The following ANLN variants were observed in gnomAD, a reference collection of about 807,000 sequenced individuals.
ANLN encodes anillin, actin binding protein.
In ANLN, 59 loss-of-function variants were observed where a neutral mutation model predicts 135.1. The ratio of observed to expected loss-of-function variants is 0.44; its 90% CI spans 0.35 to 0.54. The LOEUF is 0.54. Ranked by LOEUF, ANLN falls within the 20% of genes least tolerant of loss-of-function variation. The probability of loss-of-function intolerance (pLI) is 0.00; values close to 1 mark genes in which losing one functional copy is unlikely to be tolerated. For synonymous variants in ANLN, 406 were observed against 456.4 expected (o/e 0.89, Z 1.41); for missense variants, 1,182 against 1,340.0 (o/e 0.88, Z 1.84).
chr7:36,415,710 A>G, intron 7 of ANLN, 48 bp from the exon 8 acceptor site: 1 of 1,512,328 alleles, frequency 6.6e-7, no homozygotes, highest in Non-Finnish European at 8.9e-7. Flanking sequence ...GAAAGATAAA[A>G]TATATAGTTT....
At chr7:36,408,985 A>G (rs1787301817) in intron 5 of ANLN, among the ~76,000 whole-genome samples, 1 of 152,218 alleles carries the variant, frequency 6.6e-6, no homozygotes, top group Non-Finnish European at 1.5e-5. Flanking sequence ...CAACCTCTGC[A>G]GAAACTATAG....
At chr7:36,423,440 CTT>C (rs1787960409) in intron 14 of ANLN, among the ~76,000 whole-genome samples, 1 of 151,926 alleles carries the variant, frequency 6.6e-6, no homozygotes, top group African/African-American at 2.4e-5. Flanking sequence ...CTCTGAGTAA[CTT>C]TTATAGAAAT....
intron 12 of ANLN, 58 bp from the exon 13 acceptor site, chr7:36,421,799 A>G: frequency 6.8e-7 from 1 of 1,470,070 alleles, no homozygotes; most frequent in East Asian, 2.3e-5. Flanking sequence ...TTAAAATTTA[A>G]AGTGAAAATG....
intron 20 of ANLN, among the ~76,000 whole-genome samples, chr7:36,437,603 G>A (rs1028280383): frequency 1.2e-4 from 18 of 151,894 alleles, no homozygotes; most frequent in African/African-American, 4.1e-4. Context: ...TTTTTTTGTG[G>A]AACCTCTGTA....
At chr7:36,407,015 T>C (rs1270398765) in intron 4 of ANLN, among the ~76,000 whole-genome samples, 1 of 152,234 alleles carries the variant, frequency 6.6e-6, no homozygotes, top group Non-Finnish European at 1.5e-5. Context: ...TCACTGTATA[T>C]CCTTTTGAAA....
chr7:36,421,710 C>T (rs139146381), intron 12 of ANLN, 147 bp from the exon 13 acceptor site: 6 of 641,098 alleles, frequency 9.4e-6, no homozygotes, highest in Admixed American at 7.0e-5. Flanking sequence ...GGTGCATAGT[C>T]GAGAAACTTG....
chr7:36,442,857 C>T (rs908275985), intron 21 of ANLN, among the ~76,000 whole-genome samples: 1 of 151,890 alleles, frequency 6.6e-6, no homozygotes, highest in Non-Finnish European at 1.5e-5. Flanking sequence ...GTCTCGATCT[C>T]CTGACCTCGT....
chr7:36,407,645 A>G, intron 4 of ANLN, 89 bp from the exon 5 acceptor site: 1 of 925,684 alleles, frequency 1.1e-6, no homozygotes. Context: ...CATAAAGGCT[A>G]TCAAGTAAAT....
intron 14 of ANLN, 47 bp downstream of exon 14, chr7:36,422,856 C>G: frequency 1.3e-6 from 2 of 1,520,898 alleles, no homozygotes; most frequent in Non-Finnish European, 1.8e-6. Flanking sequence ...ATGAACCTCA[C>G]CTAGATTGAA....
At chr7:36,422,042 A>G in intron 13 of ANLN, 50 bp downstream of exon 13, 2 of 1,580,364 alleles carry the variant, frequency 1.3e-6, no homozygotes, top group Middle Eastern at 1.7e-4. Flanking sequence ...AACCAGGGAA[A>G]ACTCATTTTG....
intron 17 of ANLN, among the ~76,000 whole-genome samples, chr7:36,425,293 CTTT>C (rs1221400271): frequency 2.4e-5 from 3 of 123,610 alleles, no homozygotes; most frequent in African/African-American, 3.0e-5. Flanking sequence ...AGAACTCATT[CTTT>C]TTTTTTTTTT....
Position 36,425,834 on chromosome 7 carries a change from A to T in ANLN, c.2748+94A>T, listed in dbSNP as rs924258503. 14 of 1,352,150 alleles carry T rather than the reference A, an allele frequency of 1.0e-5. No individual in the cohort carries two copies. The Admixed American group carries it at 2.5e-4, about 24-fold the overall frequency. 83.8% of individuals were successfully genotyped at this position (1,352,150 alleles called of 1,614,324 possible). A position where few individuals can be genotyped will look rare whatever the true frequency, so the allele number is the denominator to read the frequency against. On this transcript the variant is annotated intron_variant, in intron 18 of 23. Coordinates refer to ENST00000265748, the MANE Select transcript of ANLN (RefSeq NM_018685.5). ...GGTTAACCATTTCTGAACCTTGAGC[A>T]CTGTGGAAAATTTTAACATGTACTA...
At chr7:36,429,007 G>C (rs1384379392) in intron 20 of ANLN, among the ~76,000 whole-genome samples, 1 of 151,962 alleles carries the variant, frequency 6.6e-6, no homozygotes, top group African/African-American at 2.4e-5. Flanking sequence ...TCGTGCTCCT[G>C]ACCTCAAGTG....
chr7:36,421,532 T>TA (rs995588938), intron 12 of ANLN, among the ~76,000 whole-genome samples: 34 of 151,090 alleles, frequency 2.3e-4, no homozygotes, highest in East Asian at 1.6e-3. Flanking sequence ...GGAAGCATAT[T>TA]AAAAAAAAAC....
intron 5 of ANLN, among the ~76,000 whole-genome samples, chr7:36,409,637 A>G (rs1040172622): frequency 1.3e-5 from 2 of 152,112 alleles, no homozygotes; most frequent in East Asian, 3.9e-4. Context: ...TACTATTTCA[A>G]TGAGTGCTGT....
intron 3 of ANLN, among the ~76,000 whole-genome samples, chr7:36,403,959 G>C (rs535466944): frequency 6.6e-6 from 1 of 152,040 alleles, no homozygotes; most frequent in African/African-American, 2.4e-5. Context: ...ACCGCTCCTT[G>C]CCGGGATGTT....
rs770366033 is a variant in ANLN at position 36,415,774 on chromosome 7, G to T, written c.1412G>T (p.Ser471Ile). ...TTTTTGCAGGAAACTCACTGTCAGA[G>T]CACTCCCCTCAAAAAACACCAAGGT... The part of the protein sequence containing the change: ...LETKQETHCQ[S>I]TPLKKHQGVS... The change falls in exon 8 of 24, where the codon AGC becomes ATC. Residue 471 changes from serine to isoleucine, a missense_variant. Coordinates refer to ENST00000265748, the MANE Select transcript of ANLN (RefSeq NM_018685.5). The T allele has an allele frequency of 6.2e-7, 1 of 1,601,790 alleles. No individual in the cohort carries two copies. Among genetic ancestry groups the T allele is most frequent in the Non-Finnish European group, 8.5e-7 (1 of 1,176,036 alleles).
At chr7:36,425,896 G>A in intron 18 of ANLN, 119 bp from the exon 19 acceptor site, 4 of 1,162,032 alleles carry the variant, frequency 3.4e-6, no homozygotes, top group Non-Finnish European at 4.9e-6. Context: ...TAGGAAAAGT[G>A]TTTTCTGAAA....
chr7:36,439,569 G>T (rs1208992345), intron 21 of ANLN, among the ~76,000 whole-genome samples: 1 of 152,238 alleles, frequency 6.6e-6, no homozygotes, highest in East Asian at 1.9e-4. Context: ...GGGTGCATCG[G>T]TGTCAATTGG....
Sources: allele counts gnomAD v4.1 joint callset (sites outside exome capture counted in the v4.1 genomes callset), GRCh38; gene constraint gnomAD v4.1.1; transcripts MANE v1.5; gene names NCBI Gene and HGNC (gene_info 2026-07-23, HGNC 2026-07-21).